TRAPPC11: variants seen among roughly 807,000 people sequenced by gnomAD.
The protein encoded by TRAPPC11 is foie gras homolog.
A neutral mutation model predicts 151.2 loss-of-function variants in TRAPPC11; 104 were observed. The observed-to-expected ratio is 0.69, with a 90% CI of 0.59 to 0.81. TRAPPC11 has a LOEUF of 0.81. TRAPPC11 is among the 30% of genes least tolerant of loss of function. The pLI is 0.00. For synonymous variants in TRAPPC11, 456 were observed against 472.3 expected (o/e 0.97, Z 0.45); for missense variants, 1,230 against 1,349.6 (o/e 0.91, Z 1.39).
Position 183,679,499 on chromosome 4 carries a change from T to TC in TRAPPC11, c.965+13_965+14insC. On this transcript the variant is annotated intron_variant, in intron 9 of 29. Coordinates refer to ENST00000334690, the MANE Select transcript of TRAPPC11 (RefSeq NM_021942.6). The stretch of plus-strand genomic sequence containing the variant: ...GGATGTCTAAACAGTATGTTTTACA[T>TC]TGTCCTTTTAGAATTTTTTAAAAAT... 3 of 1,573,092 alleles carry TC rather than the reference T, an allele frequency of 1.9e-6. No individual in the cohort carries two copies. Among genetic ancestry groups the TC allele is most frequent in the South Asian group, 1.2e-5 (1 of 84,374 alleles).
chr4:183,677,657 AT>A, intron 8 of TRAPPC11, 103 bp downstream of exon 8: 2 of 711,024 alleles, frequency 2.8e-6, no homozygotes, highest in Non-Finnish European at 4.9e-6. Flanking sequence ...AAAAGTTAGT[AT>A]TTGATTAATT....
intron 4 of TRAPPC11, 47 bp from the exon 5 acceptor site, chr4:183,667,956 C>T (rs1170880292): frequency 8.5e-7 from 1 of 1,176,042 alleles, no homozygotes; most frequent in South Asian, 1.2e-5. Context: ...TGGGAAGCTA[C>T]ATTAGTTATT....
intron 29 of TRAPPC11, among the ~76,000 whole-genome samples, chr4:183,710,886 G>A (rs1055926085): frequency 2.0e-5 from 3 of 151,584 alleles, no homozygotes; most frequent in African/African-American, 4.8e-5. Flanking sequence ...AAAATTAGCC[G>A]GGTGTGGTGT....
intron 29 of TRAPPC11, among the ~76,000 whole-genome samples, chr4:183,708,982 T>C (rs1417948541): frequency 6.9e-6 from 1 of 145,150 alleles, no homozygotes; most frequent in Non-Finnish European, 1.5e-5. Context: ...GAAACTATAC[T>C]CTGATTTAAT....
chr4:183,665,768 T>G lies in TRAPPC11; in HGVS notation c.205-489T>G, dbSNP rs529287192. Reference sequence around the variant, plus strand: ...TTCTGTTTAAGAATTGTTCTCTGCTTTGTACTTCATCTACAAGTGAGGTGA... The same window carrying G: ...TTCTGTTTAAGAATTGTTCTCTGCTGTGTACTTCATCTACAAGTGAGGTGA... On this transcript the variant is annotated intron_variant, in intron 2 of 29. Coordinates refer to ENST00000334690, the MANE Select transcript of TRAPPC11 (RefSeq NM_021942.6). Among the ~76,000 whole-genome samples the G allele has an allele frequency of 2.0e-5, 3 of 152,346 alleles. No homozygotes were observed. In the South Asian group the frequency reaches 6.2e-4, roughly 32 times the overall value.
chr4:183,666,890 A>G, intron 3 of TRAPPC11, 170 bp from the exon 4 acceptor site: 2 of 523,844 alleles, frequency 3.8e-6, no homozygotes, highest in South Asian at 7.2e-5. Context: ...TAGAATTTAA[A>G]TCATTGTGAC....
chr4:183,710,518 C>T (rs1189287690), intron 29 of TRAPPC11, among the ~76,000 whole-genome samples: 1 of 151,520 alleles, frequency 6.6e-6, no homozygotes, highest in Non-Finnish European at 1.5e-5. Flanking sequence ...GATCTCCTGA[C>T]CTCGTGATCC....
rs567996955 is a variant in TRAPPC11, at chr4:183,705,156, C to A, written c.3055+86C>A. ...CTAAGAGTTTAGTTATTTTAACATTCTATTTAGAAAGTTTTTCAGCATTTG... is the reference window on the plus strand; with the variant it reads ...CTAAGAGTTTAGTTATTTTAACATTATATTTAGAAAGTTTTTCAGCATTTG... On this transcript the variant is annotated intron_variant, in intron 27 of 29. Transcript: ENST00000334690. 79 of 1,003,578 alleles carry A rather than the reference C, an allele frequency of 7.9e-5. No homozygotes were observed. The South Asian group carries it at 1.4e-3, about 17-fold the overall frequency. The allele number at this position is 1,003,578 out of a possible 1,614,324, so 62.2% of individuals were successfully genotyped here.
intron 2 of TRAPPC11, among the ~76,000 whole-genome samples, chr4:183,665,929 C>CTTTTTTTTTTTTTTTTTT (rs11462767): frequency 2.9e-5 from 4 of 137,888 alleles, no homozygotes; most frequent in Non-Finnish European, 3.1e-5. Context: ...AAATGGGCTA[C>CTTTTTTTTTTTTTTTTTT]TTTTTTTTTT....
Position 183,697,486 on chromosome 4 carries a change from T to C in TRAPPC11, c.2629-17T>C. 1 of 1,594,848 alleles carries C rather than the reference T, an allele frequency of 6.3e-7. No individual in the cohort carries two copies. Among genetic ancestry groups the C allele is most frequent in the African/African-American group, 1.4e-5 (1 of 73,512 alleles). Reference sequence around the variant, plus strand: ...ATTTAGAAAATCCATGAATGTGCCCTTTACATTTTCTTGCAGGATGAAACT... The same window carrying C: ...ATTTAGAAAATCCATGAATGTGCCCCTTACATTTTCTTGCAGGATGAAACT... On this transcript the variant is annotated splice_polypyrimidine_tract_variant and intron_variant, in intron 23 of 29. Coordinates refer to ENST00000334690, the MANE Select transcript of TRAPPC11 (RefSeq NM_021942.6).
At chr4:183,684,095 T>G in intron 12 of TRAPPC11, 41 bp downstream of exon 12, 1 of 1,606,600 alleles carries the variant, frequency 6.2e-7, no homozygotes, top group Non-Finnish European at 8.5e-7. Flanking sequence ...TTACACTATT[T>G]AAGAAAAATA....
chr4:183,667,673 A>G (rs536765483), intron 4 of TRAPPC11, among the ~76,000 whole-genome samples: 2 of 152,358 alleles, frequency 1.3e-5, no homozygotes, highest in African/African-American at 4.8e-5. Context: ...TATAGCATCC[A>G]AAATGGTTTT....
chr4:183,695,456 T>C (rs1039950941), intron 23 of TRAPPC11, among the ~76,000 whole-genome samples: 6 of 152,230 alleles, frequency 3.9e-5, no homozygotes, highest in African/African-American at 1.4e-4. Flanking sequence ...CGATCACGGT[T>C]ACAGTTCACA....
intron 27 of TRAPPC11, 89 bp from the exon 28 acceptor site, chr4:183,706,718 G>A: frequency 7.2e-7 from 1 of 1,395,406 alleles, no homozygotes; most frequent in East Asian, 2.3e-5. Context: ...ATGATACTAT[G>A]TCCACAGAAT....
At chr4:183,711,208 C>T (rs1189070574) in intron 29 of TRAPPC11, among the ~76,000 whole-genome samples, 1 of 152,044 alleles carries the variant, frequency 6.6e-6, no homozygotes, top group East Asian at 1.9e-4. Flanking sequence ...GGTCCTAGTG[C>T]ACCTGTATTA....
chr4:183,668,343 G>A (rs768225876), intron 5 of TRAPPC11, among the ~76,000 whole-genome samples: 21 of 40,310 alleles, frequency 5.2e-4, no homozygotes, highest in Non-Finnish European at 7.8e-4. Context: ...TCCAAAAAAA[G>A]TCTTTTTGTA....
At chr4:183,702,602 A>G (rs1305825067) in intron 26 of TRAPPC11, among the ~76,000 whole-genome samples, 1 of 152,178 alleles carries the variant, frequency 6.6e-6, no homozygotes, top group Non-Finnish European at 1.5e-5. Flanking sequence ...ATTTCTTAGG[A>G]CTACGTACAT....
In TRAPPC11 at chr4:183,712,790, T is replaced by G; in HGVS notation, c.*146T>G. On this transcript the variant is annotated 3_prime_UTR_variant, in exon 30 of 30. Transcript: ENST00000334690. ...TGTTATACCAACTATTCAGAGGAAC[T>G]CATACTTCAAAAATATTAGGAAAAT... is the stretch of plus-strand genomic sequence containing the variant. 1.6e-6 allele frequency: 1 copy of G among 626,244 alleles called. No homozygotes were observed. The highest frequency in any genetic ancestry group is 2.8e-5 in the East Asian group (1 of 35,240). 38.8% of individuals were successfully genotyped at this position (626,244 alleles called of 1,614,324 possible).
rs574558407 is a variant in TRAPPC11, at chr4:183,684,301, A to G, written c.1367-4A>G. The G allele has an allele frequency of 6.2e-7, 1 of 1,613,576 alleles. No individual in the cohort carries two copies. The highest frequency in any genetic ancestry group is 1.7e-5 in the Admixed American group (1 of 60,018). ...ACATACATAAATCTTTTTTTCCTTT[A>G]TAGTGGTTCAGATGGGAGAGGAATA... On this transcript the variant is annotated splice_polypyrimidine_tract_variant and splice_region_variant and intron_variant, in intron 13 of 29. Transcript: ENST00000334690.
Sources: allele counts gnomAD v4.1 joint callset (sites outside exome capture counted in the v4.1 genomes callset), GRCh38; gene constraint gnomAD v4.1.1; transcripts MANE v1.5; gene names NCBI Gene and HGNC (gene_info 2026-07-23, HGNC 2026-07-21).